Variants in DCC observed in about 807,000 individuals in gnomAD.
The protein encoded by DCC is DCC netrin 1 receptor, also known as netrin receptor DCC.
In DCC, 58 loss-of-function variants were observed where a neutral mutation model predicts 172.5. The observed-to-expected ratio is 0.34, with a 90% CI of 0.27 to 0.42. DCC has a LOEUF of 0.42. Among genes scored for constraint, DCC ranks in the 10% least tolerant of loss-of-function variants. The probability of loss-of-function intolerance (pLI) is 1.00; values close to 1 mark genes in which losing one functional copy is unlikely to be tolerated. For synonymous variants in DCC, 709 were observed against 644.5 expected (o/e 1.10, Z -1.52); for missense variants, 1,740 against 1,791.0 (o/e 0.97, Z 0.51).
intron 1 of DCC, among the ~76,000 whole-genome samples, chr18:52,657,358 T>A (rs1388105745): frequency 6.6e-6 from 1 of 152,180 alleles, no homozygotes; most frequent in Non-Finnish European, 1.5e-5. Flanking sequence ...TGGCTACATT[T>A]CGCCAGTGTT....
At chr18:52,423,765 G>T (rs965097945) in intron 1 of DCC, among the ~76,000 whole-genome samples, 2 of 152,108 alleles carry the variant, frequency 1.3e-5, no homozygotes, top group African/African-American at 4.8e-5. Context: ...GCACAGGAGG[G>T]ATCTTGAAAT....
intron 1 of DCC, among the ~76,000 whole-genome samples, chr18:52,521,101 T>G (rs1471095935): frequency 6.6e-6 from 1 of 152,198 alleles, no homozygotes; most frequent in Non-Finnish European, 1.5e-5. Context: ...ACATTCGTAT[T>G]CTTTTTCTCG....
intron 5 of DCC, among the ~76,000 whole-genome samples, chr18:53,027,107 A>G (rs534043426): frequency 6.6e-6 from 1 of 152,150 alleles, no homozygotes; most frequent in African/African-American, 2.4e-5. Context: ...TTTCTTTCTC[A>G]TGTCTCTTAT....
chr18:53,448,922 T>C (rs192406469), intron 22 of DCC, among the ~76,000 whole-genome samples: 1 of 152,338 alleles, frequency 6.6e-6, no homozygotes, highest in Non-Finnish European at 1.5e-5. Context: ...TATTATAAAT[T>C]TAGGCAACAT....
chr18:52,410,442 CA>C (rs920912975), intron 1 of DCC, among the ~76,000 whole-genome samples: 2 of 152,044 alleles, frequency 1.3e-5, no homozygotes, highest in African/African-American at 4.8e-5. Flanking sequence ...TAAGGCAAAA[CA>C]AAACAACAAC....
At chr18:52,812,510 G>T (rs71367298) in intron 2 of DCC, among the ~76,000 whole-genome samples, 1 of 152,128 alleles carries the variant, frequency 6.6e-6, no homozygotes, top group East Asian at 1.9e-4. Flanking sequence ...CTCATCAAAG[G>T]TCTTAAAGGC....
intron 24 of DCC, among the ~76,000 whole-genome samples, chr18:53,461,716 G>A (rs1271867086): frequency 6.6e-6 from 1 of 152,206 alleles, no homozygotes. Flanking sequence ...ACCATGGATT[G>A]TTGAATATTT....
chr18:52,649,367 C>T (rs1376508939), intron 1 of DCC, among the ~76,000 whole-genome samples: 3 of 75,560 alleles, frequency 4.0e-5, no homozygotes, highest in South Asian at 6.2e-4. Flanking sequence ...AGTGAGATTC[C>T]GTATCAAAAA....
chr18:53,445,598 T>A (rs1403274013), intron 22 of DCC, among the ~76,000 whole-genome samples: 2 of 152,230 alleles, frequency 1.3e-5, no homozygotes, highest in African/African-American at 4.8e-5. Flanking sequence ...AGAGTGTTTA[T>A]GAGAGCAAAA....
intron 24 of DCC, among the ~76,000 whole-genome samples, chr18:53,463,818 T>C (rs944633342): frequency 1.3e-5 from 2 of 152,220 alleles, no homozygotes; most frequent in Non-Finnish European, 2.9e-5. Flanking sequence ...TTTGCGCCCA[T>C]GAAATTAGCT....
At chr18:52,786,590 G>A (rs577990185) in intron 2 of DCC, among the ~76,000 whole-genome samples, 6 of 152,124 alleles carry the variant, frequency 3.9e-5, no homozygotes, top group Non-Finnish European at 7.4e-5. Context: ...GATTGGCTTA[G>A]ATGGAACTCA....
At chr18:53,451,420 A>G (rs2045411042) in intron 23 of DCC, among the ~76,000 whole-genome samples, 1 of 152,196 alleles carries the variant, frequency 6.6e-6, no homozygotes. Context: ...GGAGTCAGCA[A>G]TAATCTCACA....
chr18:53,491,246 A>G (rs191739948), intron 26 of DCC, among the ~76,000 whole-genome samples: 38 of 152,312 alleles, frequency 2.5e-4, no homozygotes, highest in African/African-American at 8.7e-4. Flanking sequence ...GGAAAAAAGA[A>G]AATTCAGTGG....
intron 1 of DCC, among the ~76,000 whole-genome samples, chr18:52,597,508 T>C (rs996605641): frequency 7.8e-6 from 1 of 128,230 alleles, no homozygotes; most frequent in East Asian, 2.2e-4. Flanking sequence ...TTAGGTAGTT[T>C]AAGCAATTTT....
chr18:53,373,798 C>T (rs1009861034), intron 15 of DCC, among the ~76,000 whole-genome samples: 3 of 151,984 alleles, frequency 2.0e-5, no homozygotes, highest in Non-Finnish European at 2.9e-5. Context: ...ATCTTATTGC[C>T]ATTGCCATGA....
chr18:52,531,673 C>G (rs974989178), intron 1 of DCC, among the ~76,000 whole-genome samples: 1 of 151,804 alleles, frequency 6.6e-6, no homozygotes, highest in African/African-American at 2.4e-5. Context: ...TTAAACTCTT[C>G]TTGGCTGGTG....
intron 5 of DCC, among the ~76,000 whole-genome samples, chr18:53,004,717 T>TTTC (rs2041619158): frequency 6.6e-6 from 1 of 152,172 alleles, no homozygotes; most frequent in East Asian, 1.9e-4. Flanking sequence ...TGTTTGTTTT[T>TTTC]TCTTGCCTTC....
At chr18:52,430,511 G>A (rs1353255539) in intron 1 of DCC, among the ~76,000 whole-genome samples, 8 of 152,110 alleles carry the variant, frequency 5.3e-5, no homozygotes, top group Non-Finnish European at 1.0e-4. Context: ...CTAGGGAAGG[G>A]AAAGCTTGGG....
intron 1 of DCC, among the ~76,000 whole-genome samples, chr18:52,628,768 A>T (rs908035084): frequency 2.0e-5 from 3 of 152,218 alleles, no homozygotes; most frequent in African/African-American, 7.2e-5. Context: ...TGCTGGTGTT[A>T]TTCTTTGGAA....
Sources: allele counts gnomAD v4.1 joint callset (sites outside exome capture counted in the v4.1 genomes callset), GRCh38; gene constraint gnomAD v4.1.1; transcripts MANE v1.5; gene names NCBI Gene and HGNC (gene_info 2026-07-23, HGNC 2026-07-21).